Variants in ZNF320 observed in about 807,000 individuals in gnomAD.
ZNF320 encodes zinc finger protein 320, also known as zinc finger gene 320.
In ZNF320, 2 loss-of-function variants were observed where a neutral mutation model predicts 6.8. That is an observed-to-expected ratio of 0.29 (90% CI 0.12 to 0.93). The LOEUF is 0.93. ZNF320 is among the 40% of genes least tolerant of loss of function. ZNF320 has a pLI of 0.55. For synonymous variants in ZNF320, 208 were observed against 203.2 expected (o/e 1.02, Z -0.20); for missense variants, 472 against 611.0 (o/e 0.77, Z 2.40).
intron 5 of ZNF320, chr19:52,883,523 C>G (rs998392599): frequency 7.0e-6 from 3 of 427,808 alleles, no homozygotes; most frequent in African/African-American, 6.2e-5. Flanking sequence ...CACCCGTACA[C>G]AACATAAGAA....
At chr19:52,860,953 T>G (rs1455376252) in exon 6 of ZNF320, among the ~76,000 whole-genome samples, 1 of 152,164 alleles carries the variant, frequency 6.6e-6, no homozygotes, top group Non-Finnish European at 1.5e-5. Context: ...TGTAATGCAC[T>G]GACACCATGT....
upstream of ZNF320, among the ~76,000 whole-genome samples, chr19:52,901,802 C>T (rs1466960465): frequency 6.6e-6 from 1 of 152,196 alleles, no homozygotes; most frequent in Non-Finnish European, 1.5e-5. Flanking sequence ...CCATTGCTGC[C>T]AGGGCCCTTG....
intron 2 of ZNF320, among the ~76,000 whole-genome samples, chr19:52,891,566 G>T (rs1017356416): frequency 6.6e-6 from 1 of 152,120 alleles, no homozygotes; most frequent in Non-Finnish European, 1.5e-5. Flanking sequence ...GACAGGAAGG[G>T]TTTTGATGTT....
At chr19:52,865,662 CATAT>C (rs1289628728) in intron 5 of ZNF320, among the ~76,000 whole-genome samples, 3 of 119,842 alleles carry the variant, frequency 2.5e-5, no homozygotes, top group African/African-American at 9.9e-5. Flanking sequence ...TATGATTATA[CATAT>C]ATATTATATG....
At chr19:52,898,827 G>C (rs2064546409), upstream of ZNF320, among the ~76,000 whole-genome samples, 1 of 152,180 alleles carries the variant, frequency 6.6e-6, no homozygotes, top group African/African-American at 2.4e-5. Flanking sequence ...AATAACATTG[G>C]GTTCTAAGCC....
At chr19:52,872,859 C>T (rs1212205193), downstream of ZNF320, among the ~76,000 whole-genome samples, 1 of 152,092 alleles carries the variant, frequency 6.6e-6, no homozygotes, top group Admixed American at 6.6e-5. Flanking sequence ...TGTAGCAGGA[C>T]TATAGGGTGA....
At chr19:52,896,237 G>A (rs999339497) in intron 1 of ZNF320, among the ~76,000 whole-genome samples, 2 of 151,806 alleles carry the variant, frequency 1.3e-5, no homozygotes, top group African/African-American at 4.8e-5. Context: ...GATTACAGGC[G>A]CCCGACATCA....
At chr19:52,875,689 G>A (rs1408520236), downstream of ZNF320, among the ~76,000 whole-genome samples, 2 of 151,902 alleles carry the variant, frequency 1.3e-5, no homozygotes. Context: ...GCTGACTGTG[G>A]TGGATCTTTG....
chr19:52,871,792 T>C (rs774296757), downstream of ZNF320, among the ~76,000 whole-genome samples: 7 of 152,224 alleles, frequency 4.6e-5, no homozygotes, highest in Non-Finnish European at 1.0e-4. Context: ...CATGAACACA[T>C]GGGCTCTGCT....
intron 3 of ZNF320, among the ~76,000 whole-genome samples, chr19:52,890,742 C>T (rs1305834474): frequency 2.0e-5 from 3 of 152,080 alleles, no homozygotes; most frequent in Non-Finnish European, 4.4e-5. Context: ...TATGGTGGTG[C>T]ACTTCTGTGT....
rs149252496 is a variant in ZNF320, at chr19:52,884,219, G to A, written c.143-2236C>T. 4.6e-5 allele frequency among the ~76,000 whole-genome samples: 7 copies of A among 152,266 alleles called. No homozygotes were observed. In the East Asian group the frequency reaches 1.4e-3, roughly 29 times the overall value. ...TGAGAAATAAATTTCTGTGTCTTAA[G>A]CTTCCCAGTTTAAGCTACTTCCTTT... is the stretch of plus-strand genomic sequence containing the variant. On this transcript the variant is annotated intron_variant, in intron 5 of 5. Transcript: ENST00000682928.
At chr19:52,898,391 G>C (rs978713527), upstream of ZNF320, among the ~76,000 whole-genome samples, 2 of 152,306 alleles carry the variant, frequency 1.3e-5, no homozygotes, top group South Asian at 2.1e-4. Context: ...GGAAGCAGGA[G>C]CCGCAAGACC....
chr19:52,865,255 G>A (rs1027351523), intron 5 of ZNF320: 1 of 173,742 alleles, frequency 5.8e-6, no homozygotes, highest in African/African-American at 2.4e-5. Flanking sequence ...CCAGAAGGCA[G>A]AGGTTGCAGC....
rs1432263258 is a variant in ZNF320 at position 52,877,273 on chromosome 19, C to T, written c.*3323G>A. 1.3e-5 allele frequency: 2 copies of T among 152,162 alleles called. No individual in the cohort carries two copies. The highest frequency in any genetic ancestry group is 6.5e-5 in the Admixed American group (1 of 15,278). 9.4% of individuals were successfully genotyped at this position (152,162 alleles called of 1,614,324 possible). On this transcript the variant is annotated 3_prime_UTR_variant, in exon 6 of 6. Coordinates refer to ENST00000682928, the MANE Select transcript of ZNF320 (RefSeq NM_001351774.2). ...CAGACACACGAGACAGCAATCAGTA[C>T]ATATATACATTGGTCCGGTCTGGAA...
At chr19:52,884,159 C>G (rs770855274) in intron 5 of ZNF320, among the ~76,000 whole-genome samples, 1 of 152,208 alleles carries the variant, frequency 6.6e-6, no homozygotes, top group Non-Finnish European at 1.5e-5. Context: ...ATTTGGCTGG[C>G]ACCTTGCTCT....
chr19:52,860,066 C>T (rs1395081596), downstream of ZNF320, among the ~76,000 whole-genome samples: 1 of 152,050 alleles, frequency 6.6e-6, no homozygotes, highest in African/African-American at 2.4e-5. Context: ...GCGCCCGCCA[C>T]CACGCCCGGC....
chr19:52,899,727 C>G (rs2064565437), upstream of ZNF320, among the ~76,000 whole-genome samples: 1 of 152,162 alleles, frequency 6.6e-6, no homozygotes. Context: ...TCCCAAAGTG[C>G]TGGGATTACA....
At chr19:52,868,111 C>T (rs571420843) in intron 5 of ZNF320, among the ~76,000 whole-genome samples, 15 of 152,180 alleles carry the variant, frequency 9.9e-5, no homozygotes, top group Admixed American at 2.6e-4. Flanking sequence ...TCATCATCAA[C>T]ATTGCTGAAG....
At chr19:52,900,085 C>T (rs2064566574), upstream of ZNF320, among the ~76,000 whole-genome samples, 1 of 152,178 alleles carries the variant, frequency 6.6e-6, no homozygotes. Context: ...GCCAATTACA[C>T]AGCTACCTGT....
Sources: allele counts gnomAD v4.1 joint callset (sites outside exome capture counted in the v4.1 genomes callset), GRCh38; gene constraint gnomAD v4.1.1; transcripts MANE v1.5; gene names NCBI Gene and HGNC (gene_info 2026-07-23, HGNC 2026-07-21).